The following ROS1 variants were observed in gnomAD, a reference collection of about 807,000 sequenced individuals.
ROS1 encodes proto-oncogene tyrosine-protein kinase ROS.
In ROS1, 263 loss-of-function variants were observed where a neutral mutation model predicts 273.5. The observed-to-expected ratio is 0.96, with a 90% CI of 0.87 to 1.06. The LOEUF (loss-of-function observed/expected upper bound fraction) is 1.06, where lower values mean the gene tolerates loss of function less well. Ranked by LOEUF, ROS1 falls within the 50% of genes least tolerant of loss-of-function variation. ROS1 has a pLI of 0.00. For synonymous variants in ROS1, 1,008 were observed against 954.1 expected (o/e 1.06, Z -1.04); for missense variants, 2,833 against 2,751.1 (o/e 1.03, Z -0.67).
intron 17 of ROS1, among the ~76,000 whole-genome samples, chr6:117,381,023 G>A (rs1310160631): frequency 6.6e-6 from 1 of 152,022 alleles, no homozygotes. Context: ...GAACAAGAGA[G>A]AGATGAAGAG....
At chr6:117,424,766 T>C (rs868566726) in intron 1 of ROS1, among the ~76,000 whole-genome samples, 25 of 152,266 alleles carry the variant, frequency 1.6e-4, no homozygotes, top group Middle Eastern at 3.4e-3. Context: ...AATAATATAA[T>C]GAATACTATA....
Position 117,397,058 on chromosome 6 carries a change from T to G in ROS1, c.663A>C (p.Glu221Asp). 6.2e-7 allele frequency: 1 copy of G among 1,613,914 alleles called. No individual in the cohort carries two copies. Among genetic ancestry groups the G allele is most frequent in the Non-Finnish European group, 8.5e-7 (1 of 1,179,780 alleles). Reference sequence around the variant, plus strand: ...GGAATTGAGGTGGATCCCAGCTGACTTCCACAGTGTCGGGACTTGAGCTCT... The same window carrying G: ...GGAATTGAGGTGGATCCCAGCTGACGTCCACAGTGTCGGGACTTGAGCTCT... ...NIESSSPDTV[E>D]VSWDPPQFPG... is the part of the protein sequence containing the mutation. Residue 221 changes from glutamate (E) to aspartate (D), a missense_variant, in exon 8 of 44, where the codon GAA becomes GAC. Physicochemically the swap from Glu to Asp is conservative, Grantham distance 45 (BLOSUM62 2). Coordinates refer to ENST00000368507, the MANE Select transcript of ROS1 (RefSeq NM_001378902.1).
chr6:117,291,085 C>T (rs1427177461), intron 43 of ROS1, among the ~76,000 whole-genome samples: 12 of 152,132 alleles, frequency 7.9e-5, no homozygotes, highest in Non-Finnish European at 1.5e-4. Context: ...TCTCTCTTCC[C>T]TGCCTTTCTT....
chr6:117,416,161 G>C, intron 3 of ROS1, 97 bp downstream of exon 3: 1 of 772,914 alleles, frequency 1.3e-6, no homozygotes, highest in East Asian at 2.6e-5. Flanking sequence ...AAGCAAACTA[G>C]TTGAAAGCCA....
intron 9 of ROS1, among the ~76,000 whole-genome samples, chr6:117,395,391 T>C (rs1773410099): frequency 6.6e-6 from 1 of 151,952 alleles, no homozygotes; most frequent in Non-Finnish European, 1.5e-5. Context: ...TTTCCTAGAG[T>C]CTAGGAACAG....
chr6:117,422,731 C>A (rs1775851989), intron 1 of ROS1, among the ~76,000 whole-genome samples: 1 of 152,044 alleles, frequency 6.6e-6, no homozygotes, highest in South Asian at 2.1e-4. Context: ...GTATTGTCAT[C>A]ACCCTCTAAT....
intron 43 of ROS1, among the ~76,000 whole-genome samples, chr6:117,298,357 T>C (rs1774416254): frequency 2.0e-5 from 3 of 152,136 alleles, no homozygotes; most frequent in South Asian, 4.1e-4. Flanking sequence ...AGAGGAGTGA[T>C]ATAGTTAAGA....
At chr6:117,416,112 T>G in intron 3 of ROS1, 146 bp downstream of exon 3, 1 of 630,182 alleles carries the variant, frequency 1.6e-6, no homozygotes, top group Admixed American at 2.7e-5. Flanking sequence ...TTATCCAGGC[T>G]ATTGGTTTTT....
chr6:117,389,206 C>T (rs773592992), intron 13 of ROS1, 144 bp downstream of exon 13: 2 of 902,048 alleles, frequency 2.2e-6, no homozygotes, highest in Non-Finnish European at 1.7e-6. Flanking sequence ...AATGTATAAA[C>T]TTTTTTTTTA....
intron 25 of ROS1, 83 bp downstream of exon 25, chr6:117,357,721 T>G: frequency 1.1e-6 from 1 of 914,476 alleles, no homozygotes; most frequent in Non-Finnish European, 1.6e-6. Context: ...ATAATTGTCT[T>G]CTACTATTAA....
At chr6:117,314,090 CTT>C (rs1407672269) in intron 39 of ROS1, among the ~76,000 whole-genome samples, 1 of 151,964 alleles carries the variant, frequency 6.6e-6, no homozygotes, top group Non-Finnish European at 1.5e-5. Flanking sequence ...TTCATCCTCT[CTT>C]CACTTTTCAT....
intron 32 of ROS1, 56 bp downstream of exon 32, chr6:117,337,116 A>T (rs1777536810): frequency 7.4e-7 from 1 of 1,351,174 alleles, no homozygotes; most frequent in African/African-American, 1.5e-5. Flanking sequence ...GAAATAAGTG[A>T]TAAGAAAAAA....
At chr6:117,378,369 T>C (rs1781510409) in intron 18 of ROS1, among the ~76,000 whole-genome samples, 1 of 152,170 alleles carries the variant, frequency 6.6e-6, no homozygotes. Flanking sequence ...AAAGTGAATA[T>C]ATCGCAAAAG....
chr6:117,376,951 AAAAGC>A (rs1366318070), intron 18 of ROS1, among the ~76,000 whole-genome samples: 3 of 152,190 alleles, frequency 2.0e-5, no homozygotes, highest in African/African-American at 7.2e-5. Context: ...AAAATATTGG[AAAAGC>A]AAAGCAAAGT....
chr6:117,291,316 CT>C lies in ROS1; in HGVS notation c.6716-2515del, dbSNP rs546246571. Among the ~76,000 whole-genome samples, 244 of 152,262 alleles carry C rather than the reference CT, an allele frequency of 1.6e-3. 4 individuals carry two copies. The highest frequency in any genetic ancestry group is 7.5e-4 in the Non-Finnish European group (51 of 68,014). On this transcript the variant is annotated intron_variant, in intron 43 of 43. Coordinates refer to ENST00000368507, the MANE Select transcript of ROS1 (RefSeq NM_001378902.1). ...CTGCATCATTACTTTGAATATTTGTCTGCTTCTCTATTGTTGGGAATATTAC... is the reference window on the plus strand; with the variant it reads ...CTGCATCATTACTTTGAATATTTGTCGCTTCTCTATTGTTGGGAATATTAC...
At chr6:117,381,362 A>G (rs1772129847) in intron 17 of ROS1, among the ~76,000 whole-genome samples, 1 of 151,892 alleles carries the variant, frequency 6.6e-6, no homozygotes, top group South Asian at 2.1e-4. Context: ...CCCAATATGT[A>G]GGGTTTTTTT....
chr6:117,425,624 A>T lies in ROS1; in HGVS notation c.33T>A (p.Leu11=), dbSNP rs764724964. The part of the protein sequence containing the change: MKNIYCLIPK[L]VNFATLGCLW... ...GGCAGCCAAGAGTTGCAAAATTGAC[A>T]AGCTTCGGAATAAGACAGTAAATGT... Residue 11 remains leucine, a synonymous_variant, in exon 1 of 44, where the codon CTT becomes CTA. Transcript: ENST00000368507. 8.7e-6 allele frequency: 14 copies of T among 1,612,330 alleles called. No individual in the cohort carries two copies. Among genetic ancestry groups the T allele is most frequent in the Non-Finnish European group, 1.1e-5 (13 of 1,179,348 alleles).
At chr6:117,401,996 C>T (rs1773985589) in intron 7 of ROS1, among the ~76,000 whole-genome samples, 1 of 152,150 alleles carries the variant, frequency 6.6e-6, no homozygotes, top group African/African-American at 2.4e-5. Flanking sequence ...TGGCTTCCTA[C>T]CAGTTCTTCC....
At chr6:117,294,906 A>G (rs1441611110) in intron 43 of ROS1, among the ~76,000 whole-genome samples, 3 of 152,202 alleles carry the variant, frequency 2.0e-5, no homozygotes, top group African/African-American at 7.2e-5. Flanking sequence ...TACAAATTCA[A>G]TGCAATCCCT....
Sources: allele counts gnomAD v4.1 joint callset (sites outside exome capture counted in the v4.1 genomes callset), GRCh38; gene constraint gnomAD v4.1.1; transcripts MANE v1.5; gene names NCBI Gene and HGNC (gene_info 2026-07-23, HGNC 2026-07-21).